Variants in MEGF11 observed in about 807,000 individuals in gnomAD.
The protein encoded by MEGF11 is multiple epidermal growth factor-like domains protein 11.
A neutral mutation model predicts 146.6 loss-of-function variants in MEGF11; 126 were observed. The observed-to-expected ratio is 0.86, with a 90% CI of 0.74 to 1.00. The LOEUF (loss-of-function observed/expected upper bound fraction) is 1.00, where lower values mean the gene tolerates loss of function less well. Among genes scored for constraint, MEGF11 ranks in the 50% least tolerant of loss-of-function variants. The pLI, the probability that MEGF11 is intolerant of heterozygous loss-of-function variation, is 0.00. For missense variants in MEGF11, 1,509 were observed against 1,521.2 expected, an observed-to-expected ratio of 0.99 and a Z score of 0.13; for synonymous variants, 532 against 583.4, an observed-to-expected ratio of 0.91 and a Z score of 1.27.
intron 1 of MEGF11, among the ~76,000 whole-genome samples, chr15:66,177,732 T>G (rs1440762595): frequency 6.6e-6 from 1 of 151,634 alleles, no homozygotes; most frequent in Non-Finnish European, 1.5e-5. Context: ...TCACCCAGAC[T>G]GAAGTGCAGT....
chr15:65,993,272 G>C (rs2082109827), intron 5 of MEGF11, among the ~76,000 whole-genome samples: 2 of 152,226 alleles, frequency 1.3e-5, no homozygotes. Context: ...TGAGGCTCGG[G>C]GTGAGAGGCA....
intron 5 of MEGF11, 142 bp downstream of exon 5, chr15:66,094,260 C>T: frequency 1.6e-6 from 1 of 609,234 alleles, no homozygotes; most frequent in East Asian, 2.9e-5. Flanking sequence ...GGTATACCTC[C>T]TCCCTGATGT....
At chr15:65,978,137 G>GGT (rs148896908) in intron 7 of MEGF11, among the ~76,000 whole-genome samples, 1 of 152,340 alleles carries the variant, frequency 6.6e-6, no homozygotes, top group East Asian at 1.9e-4. Flanking sequence ...TCTTTGGGGA[G>GGT]GTGCATGGTG....
chr15:66,189,317 G>A (rs531313756), intron 1 of MEGF11, among the ~76,000 whole-genome samples: 29 of 152,188 alleles, frequency 1.9e-4, no homozygotes, highest in African/African-American at 5.8e-4. Context: ...GAGGGGAGGG[G>A]GACAGATGCC....
intron 1 of MEGF11, among the ~76,000 whole-genome samples, chr15:66,201,946 CAAAAAAAAAA>C (rs71139471): frequency 1.0e-3 from 33 of 31,800 alleles, no homozygotes; most frequent in African/African-American, 3.1e-3. Flanking sequence ...GACTCCATCT[CAAAAAAAAAA>C]AAAAAAAAAA....
At chr15:66,184,333 C>T (rs2090635542) in intron 1 of MEGF11, among the ~76,000 whole-genome samples, 1 of 152,100 alleles carries the variant, frequency 6.6e-6, no homozygotes, top group South Asian at 2.1e-4. Context: ...AGCTGAGCAG[C>T]TTTTCAGCTA....
At chr15:65,940,485 G>A (rs1305214372) in intron 10 of MEGF11, among the ~76,000 whole-genome samples, 4 of 152,178 alleles carry the variant, frequency 2.6e-5, no homozygotes, top group East Asian at 1.9e-4. Flanking sequence ...AGAGTGACAC[G>A]TGGCCCACAA....
intron 5 of MEGF11, among the ~76,000 whole-genome samples, chr15:65,997,161 T>C (rs1449352963): frequency 1.3e-5 from 2 of 152,212 alleles, no homozygotes; most frequent in African/African-American, 2.4e-5. Context: ...TGCTGGACAA[T>C]GACCCCTGGT....
Position 65,912,136 on chromosome 15 carries a change from A to G in MEGF11, c.2775T>C (p.Cys925=), listed in dbSNP as rs2141194124. The change falls in exon 21 of 26, where the codon TGT becomes TGC. Residue 925 remains cysteine (C), a synonymous_variant. Coordinates refer to ENST00000395614, the MANE Select transcript of MEGF11 (RefSeq NM_001385028.1). ...TGGCCTGGCTGGTGGCAGGCCCCCCACATGCCAGTGCGTGGTAGCTGGAAT... is the reference window on the plus strand; with the variant it reads ...TGGCCTGGCTGGTGGCAGGCCCCCCGCATGCCAGTGCGTGGTAGCTGGAAT... The part of the protein sequence containing the change: ...FSNSSYHALA[C]GGPATSQAST... 4 of 1,232,136 alleles carry G rather than the reference A, an allele frequency of 3.2e-6. No individual in the cohort carries two copies. The African/African-American group carries it at 6.2e-5, about 19-fold the overall frequency. 76.3% of individuals were successfully genotyped at this position (1,232,136 alleles called of 1,614,324 possible).
chr15:66,232,699 G>A (rs979450606), intron 1 of MEGF11, among the ~76,000 whole-genome samples: 2 of 152,102 alleles, frequency 1.3e-5, no homozygotes, highest in African/African-American at 4.8e-5. Flanking sequence ...CTCTGATTAG[G>A]GTCATGCGCC....
intron 5 of MEGF11, among the ~76,000 whole-genome samples, chr15:66,057,259 C>G (rs1482746408): frequency 6.6e-6 from 1 of 152,094 alleles, no homozygotes; most frequent in Non-Finnish European, 1.5e-5. Context: ...GGGAGGTTGG[C>G]TGGTGGCAGG....
In MEGF11 at chr15:65,982,101, G is replaced by T; in HGVS notation, c.641+141C>A. The stretch of plus-strand genomic sequence containing the variant: ...CCCAGCCCACCCACAAGGAGCCCAG[G>T]GCTGGGCGTGCAGCTGCGGTGAGGG... On this transcript the variant is annotated intron_variant, in intron 6 of 25. Coordinates refer to ENST00000395614, the MANE Select transcript of MEGF11 (RefSeq NM_001385028.1). This position sits in a 1 kb window ranked among gnomAD's most constrained non-coding sequence, Gnocchi z 5.6. The T allele has an allele frequency of 8.1e-7, 1 of 1,229,040 alleles. No individual in the cohort carries two copies. Among genetic ancestry groups the T allele is most frequent in the Non-Finnish European group, 1.1e-6 (1 of 918,250 alleles). The allele number at this position is 1,229,040 out of a possible 1,614,324, so 76.1% of individuals were successfully genotyped here.
chr15:66,149,884 C>G (rs1389322333), intron 1 of MEGF11, among the ~76,000 whole-genome samples: 1 of 152,260 alleles, frequency 6.6e-6, no homozygotes, highest in Non-Finnish European at 1.5e-5. Context: ...CCCACCAGAC[C>G]TCACTGGAGC....
chr15:66,009,360 A>C lies in MEGF11; in HGVS notation c.395-26872T>G, dbSNP rs1266723967. ...CATGGGGGTGGGGAGGGTGCAGGGGAATGCATGTCATTCTGGGAAGAGGAA... is the reference window on the plus strand; with the variant it reads ...CATGGGGGTGGGGAGGGTGCAGGGGCATGCATGTCATTCTGGGAAGAGGAA... On this transcript the variant is annotated intron_variant, in intron 5 of 25. Transcript: ENST00000395614. 2.0e-5 allele frequency among the ~76,000 whole-genome samples: 3 copies of C among 150,492 alleles called. No individual in the cohort carries two copies. In the Admixed American group the frequency reaches 2.0e-4, roughly 10 times the overall value.
intron 1 of MEGF11, among the ~76,000 whole-genome samples, chr15:66,171,473 T>C (rs916733549): frequency 1.3e-5 from 2 of 151,988 alleles, no homozygotes; most frequent in Non-Finnish European, 2.9e-5. Context: ...GGACTGCTGG[T>C]CCCTCACCCT....
At chr15:66,119,396 TAAA>T (rs2087904509) in intron 3 of MEGF11, among the ~76,000 whole-genome samples, 1 of 152,262 alleles carries the variant, frequency 6.6e-6, no homozygotes, top group Non-Finnish European at 1.5e-5. Flanking sequence ...TGGCACTTAC[TAAA>T]CCTGCTGACT....
At chr15:66,034,608 T>TG (rs778924490) in intron 5 of MEGF11, among the ~76,000 whole-genome samples, 8 of 152,006 alleles carry the variant, frequency 5.3e-5, no homozygotes, top group Non-Finnish European at 1.2e-4. Context: ...TTTGTAGAGA[T>TG]GGGGTCTTAC....
Position 66,013,112 on chromosome 15 carries a change from G to T in MEGF11, c.395-30624C>A, listed in dbSNP as rs186141986. Among the ~76,000 whole-genome samples, 183 of 152,372 alleles carry T rather than the reference G, an allele frequency of 1.2e-3. 1 individual carries two copies. Among genetic ancestry groups the T allele is most frequent in the African/African-American group, 4.2e-3 (173 of 41,584 alleles). On this transcript the variant is annotated intron_variant, in intron 5 of 25. Transcript: ENST00000395614. ...AGATAGCTCATGAGTCATTGCCCAG[G>T]TGGGGCTGGAACTCAAGTCTTTGTC... is the stretch of plus-strand genomic sequence containing the variant.
intron 5 of MEGF11, among the ~76,000 whole-genome samples, chr15:66,080,004 T>C (rs1403560689): frequency 2.0e-5 from 3 of 152,150 alleles, no homozygotes; most frequent in African/African-American, 7.2e-5. Flanking sequence ...GACTCATATC[T>C]CCGCTGGCTT....
Sources: allele counts gnomAD v4.1 joint callset (sites outside exome capture counted in the v4.1 genomes callset), GRCh38; gene constraint gnomAD v4.1.1; non-coding constraint Gnocchi (gnomAD v3.1); transcripts MANE v1.5; gene names NCBI Gene and HGNC (gene_info 2026-07-23, HGNC 2026-07-21).